RBMS3: variants seen among roughly 807,000 people sequenced by gnomAD.
RBMS3 encodes RNA-binding motif, single-stranded-interacting protein 3.
Under a neutral mutation model 66.8 loss-of-function variants are expected in RBMS3, and 27 were observed. The ratio of observed to expected loss-of-function variants is 0.40; its 90% CI spans 0.30 to 0.56. The LOEUF (loss-of-function observed/expected upper bound fraction) is 0.56. RBMS3 is among the 20% of genes least tolerant of loss of function. The pLI is 0.40. For missense variants in RBMS3, 513 were observed against 549.5 expected (o/e 0.93, Z 0.66); for synonymous variants, 188 against 183.0 (o/e 1.03, Z -0.22).
At chr3:29,683,749 C>A (rs970074440) in intron 4 of RBMS3, among the ~76,000 whole-genome samples, 12 of 152,180 alleles carry the variant, frequency 7.9e-5, no homozygotes, top group Non-Finnish European at 1.6e-4. Flanking sequence ...GAACCCAGCT[C>A]AACTTTTCTT....
At chr3:29,564,289 C>A (rs1382323593) in intron 3 of RBMS3, among the ~76,000 whole-genome samples, 1 of 151,562 alleles carries the variant, frequency 6.6e-6, no homozygotes, top group Non-Finnish European at 1.5e-5. Context: ...CCAGCCTGAC[C>A]AACATAGTGA....
rs370878224 is a variant in RBMS3, at chr3:30,003,899, G to C, written c.*37G>C. 969 of 1,432,476 alleles carry C rather than the reference G, an allele frequency of 6.8e-4. No homozygotes were observed. The highest frequency in any genetic ancestry group is 8.5e-4 in the Non-Finnish European group (925 of 1,082,526). The allele number at this position is 1,432,476 out of a possible 1,614,324, so 88.7% of individuals were successfully genotyped here. A position where few individuals can be genotyped will look rare whatever the true frequency, so the allele number is the denominator to read the frequency against. On this transcript the variant is annotated 3_prime_UTR_variant, in exon 15 of 15. Transcript: ENST00000383767. ...GAATGTCTGTCTGAATCTTTGCCTT[G>C]AATGAAGAAACTTCATTGAACAAGA... is the stretch of plus-strand genomic sequence containing the variant.
intron 1 of RBMS3, among the ~76,000 whole-genome samples, chr3:29,393,249 C>A (rs1300653894): frequency 1.3e-5 from 2 of 152,124 alleles, no homozygotes; most frequent in African/African-American, 4.8e-5. Flanking sequence ...TTAAAAAATG[C>A]ATGGGACTAC....
intron 1 of RBMS3, among the ~76,000 whole-genome samples, chr3:29,404,428 A>G (rs922501812): frequency 3.9e-5 from 6 of 152,102 alleles, no homozygotes; most frequent in African/African-American, 1.4e-4. Flanking sequence ...TGGTTAAGAG[A>G]CATATGTTAT....
chr3:29,970,868 A>G (rs1038529489), intron 12 of RBMS3, among the ~76,000 whole-genome samples: 2 of 152,218 alleles, frequency 1.3e-5, no homozygotes, highest in East Asian at 1.9e-4. Flanking sequence ...AATAACTTCA[A>G]CTTGAATATA....
chr3:29,772,070 G>A (rs1231212039), intron 6 of RBMS3, among the ~76,000 whole-genome samples: 1 of 152,032 alleles, frequency 6.6e-6, no homozygotes, highest in Non-Finnish European at 1.5e-5. Flanking sequence ...AACGGTAGAA[G>A]AGGAGGTCAG....
intron 4 of RBMS3, among the ~76,000 whole-genome samples, chr3:29,710,021 G>T (rs746495692): frequency 2.0e-5 from 3 of 152,178 alleles, no homozygotes; most frequent in African/African-American, 4.8e-5. Flanking sequence ...TAACTTTCTT[G>T]TGAAATGGAA....
At chr3:29,350,597 C>T (rs908180991) in intron 1 of RBMS3, among the ~76,000 whole-genome samples, 1 of 152,116 alleles carries the variant, frequency 6.6e-6, no homozygotes, top group African/African-American at 2.4e-5. Flanking sequence ...GAGAACTAAG[C>T]TCCCTCTCTC....
intron 3 of RBMS3, among the ~76,000 whole-genome samples, chr3:29,521,424 T>C (rs766929206): frequency 3.3e-5 from 5 of 152,204 alleles, no homozygotes; most frequent in Admixed American, 2.6e-4. Context: ...CTTTCTCGTA[T>C]TGGGCTTCTG....
intron 1 of RBMS3, among the ~76,000 whole-genome samples, chr3:29,310,918 G>A (rs535661494): frequency 2.7e-4 from 41 of 151,840 alleles, no homozygotes; most frequent in Admixed American, 7.9e-4. Flanking sequence ...TTAGATAAAA[G>A]TGAAGCAAAG....
intron 6 of RBMS3, among the ~76,000 whole-genome samples, chr3:29,771,996 C>T (rs1210136073): frequency 6.6e-6 from 1 of 151,962 alleles, no homozygotes; most frequent in African/African-American, 2.4e-5. Flanking sequence ...CCAATCCATT[C>T]CCATTACCAT....
chr3:29,639,934 A>T (rs1460502228), intron 4 of RBMS3, among the ~76,000 whole-genome samples: 1 of 151,908 alleles, frequency 6.6e-6, no homozygotes, highest in East Asian at 1.9e-4. Context: ...ATATAAAAAA[A>T]AGAAGGATAT....
At chr3:29,715,992 A>G (rs908982348) in intron 4 of RBMS3, among the ~76,000 whole-genome samples, 2 of 152,130 alleles carry the variant, frequency 1.3e-5, no homozygotes. Flanking sequence ...GTCTTAAAAT[A>G]TGACCTTTGA....
intron 5 of RBMS3, among the ~76,000 whole-genome samples, chr3:29,749,806 C>T (rs572086026): frequency 1.3e-5 from 2 of 152,152 alleles, no homozygotes; most frequent in African/African-American, 4.8e-5. Flanking sequence ...AAAAATATGC[C>T]ATTCCAATAA....
At chr3:29,795,090 A>T (rs1176013264) in intron 6 of RBMS3, among the ~76,000 whole-genome samples, 1 of 152,182 alleles carries the variant, frequency 6.6e-6, no homozygotes, top group Non-Finnish European at 1.5e-5. Context: ...ATACTTCTCT[A>T]CTTGCCTCTT....
At chr3:29,708,329 C>T (rs1285250924) in intron 4 of RBMS3, among the ~76,000 whole-genome samples, 1 of 152,114 alleles carries the variant, frequency 6.6e-6, no homozygotes, top group Non-Finnish European at 1.5e-5. Flanking sequence ...ATAGTCACTG[C>T]CCTATATCTT....
chr3:29,698,577 A>G (rs2052384190), intron 4 of RBMS3: 2 of 985,326 alleles, frequency 2.0e-6, no homozygotes, highest in East Asian at 1.1e-4. Flanking sequence ...CAAAATGAGC[A>G]TGAAGAGAAT....
chr3:29,533,621 T>C (rs1197577235), intron 3 of RBMS3, among the ~76,000 whole-genome samples: 3 of 151,910 alleles, frequency 2.0e-5, no homozygotes, highest in Non-Finnish European at 4.4e-5. Flanking sequence ...ACTAAAAATA[T>C]AAAAACTTAG....
At chr3:29,903,484 G>A (rs760442942) in intron 10 of RBMS3, among the ~76,000 whole-genome samples, 1 of 151,954 alleles carries the variant, frequency 6.6e-6, no homozygotes, top group East Asian at 1.9e-4. Flanking sequence ...AATTTTAATA[G>A]TTGATGGATT....
Sources: gnomAD v4.1 joint callset for allele counts (sites outside exome capture counted in the v4.1 genomes callset) on GRCh38, gnomAD v4.1.1 for gene constraint, MANE v1.5 for transcripts, NCBI Gene and HGNC (gene_info 2026-07-23, HGNC 2026-07-21) for gene names.